GOT2: variants seen among roughly 807,000 people sequenced by gnomAD.
GOT2 encodes aspartate aminotransferase, mitochondrial.
In GOT2, 17 loss-of-function variants were observed where a neutral mutation model predicts 50.0. That is an observed-to-expected ratio of 0.34 (90% CI 0.23 to 0.51). The LOEUF is 0.51. Ranked by LOEUF, GOT2 falls within the 20% of genes least tolerant of loss-of-function variation. GOT2 has a pLI of 0.97. For missense variants in GOT2, 430 were observed against 559.6 expected (o/e 0.77, Z 2.34); for synonymous variants, 172 against 204.9 (o/e 0.84, Z 1.37).
At chr16:58,718,333 C>T (rs746224481) in intron 5 of GOT2, 33 bp from the exon 6 acceptor site, 35 of 1,549,770 alleles carry the variant, frequency 2.3e-5, no homozygotes, top group Non-Finnish European at 3.1e-5. Context: ...GACGACTTTG[C>T]AGCTTTAAAG....
At chr16:58,723,365 T>G (rs2044755732) in intron 2 of GOT2, among the ~76,000 whole-genome samples, 1 of 152,182 alleles carries the variant, frequency 6.6e-6, no homozygotes, top group Admixed American at 6.5e-5. Context: ...TAATCACAGT[T>G]AGAGAAATGG....
chr16:58,716,717 G>A lies in GOT2; in HGVS notation c.799C>T (p.Gln267Ter), dbSNP rs1240743106. ...DAWAVRHFIE[Q>*]GINVCLCQSY... ...TGGCAGAGGCAAACATTAATGCCCT[G>A]TTCGATGAAGTGGCGCACAGCCCAG... The change falls in exon 7 of 10, where the codon CAG (glutamine) becomes TAG (stop). Residue 267 changes from glutamine (Q) to a stop codon, truncating the protein, a stop_gained. Transcript: ENST00000245206. LOFTEE classifies it high-confidence loss of function. The A allele has an allele frequency of 6.2e-7, 1 of 1,613,778 alleles. No individual in the cohort carries two copies. The highest frequency in any genetic ancestry group is 1.3e-5 in the African/African-American group (1 of 74,928).
At chr16:58,724,910 T>C (rs1424991297) in intron 1 of GOT2, among the ~76,000 whole-genome samples, 2 of 152,180 alleles carry the variant, frequency 1.3e-5, no homozygotes. Context: ...CACGATTCCA[T>C]CTAGGACACC....
chr16:58,723,888 T>A lies in GOT2; in HGVS notation c.104A>T (p.His35Leu), dbSNP rs2044761094. 4.3e-6 allele frequency: 7 copies of A among 1,613,594 alleles called. No homozygotes were observed. Among genetic ancestry groups the A allele is most frequent in the Non-Finnish European group, 5.9e-6 (7 of 1,179,692 alleles). Residue 35 changes from histidine to leucine, a missense_variant, in exon 2 of 10, where the codon CAT (histidine) becomes CTT (leucine). Transcript: ENST00000245206. ...ASARASSWWT[H>L]VEMGPPDPIL... ...GGGATCTGGAGGTCCCATTTCCACA[T>A]GGGTCCACCAGGAGCTGAAATGAGA...
chr16:58,724,037 T>C (rs1387372391), intron 1 of GOT2, 135 bp from the exon 2 acceptor site: 1 of 667,886 alleles, frequency 1.5e-6, no homozygotes, highest in Non-Finnish European at 2.4e-6. Context: ...CACTGCAGCG[T>C]TTGCCTCCTG....
At chr16:58,729,053 C>A (rs947208232) in intron 1 of GOT2, among the ~76,000 whole-genome samples, 1 of 151,924 alleles carries the variant, frequency 6.6e-6, no homozygotes, top group African/African-American at 2.4e-5. Flanking sequence ...GCCATTATCA[C>A]CCTTCCCCCT....
chr16:58,714,821 T>C (rs1490093609), intron 8 of GOT2, among the ~76,000 whole-genome samples: 2 of 152,118 alleles, frequency 1.3e-5, no homozygotes, highest in African/African-American at 4.8e-5. Context: ...ATATAATATG[T>C]TCAAGGTCAT....
At chr16:58,722,341 G>T in intron 2 of GOT2, 63 bp from the exon 3 acceptor site, 5 of 1,489,798 alleles carry the variant, frequency 3.4e-6, no homozygotes, top group South Asian at 1.2e-5. Flanking sequence ...TATGATTAAT[G>T]TTTAAAGTTT....
chr16:58,724,205 G>A (rs1303739414), intron 1 of GOT2, among the ~76,000 whole-genome samples: 3 of 151,862 alleles, frequency 2.0e-5, no homozygotes, highest in African/African-American at 4.8e-5. Flanking sequence ...CACCGCACCC[G>A]GCCATATTAC....
Position 58,708,081 on chromosome 16 carries a change from C to T in GOT2, c.*90G>A, listed in dbSNP as rs2044617407. On this transcript the variant is annotated 3_prime_UTR_variant, in exon 10 of 10. Transcript: ENST00000245206. The stretch of plus-strand genomic sequence containing the variant: ...GCTGAAAGAAATGATCCACTCACCA[C>T]CATCCACCCTCTCTCATTGTCTGTG... 6 of 1,286,802 alleles carry T rather than the reference C, an allele frequency of 4.7e-6. No individual in the cohort carries two copies. Among genetic ancestry groups the T allele is most frequent in the Middle Eastern group, 2.6e-4 (1 of 3,810 alleles). 79.7% of individuals were successfully genotyped at this position (1,286,802 alleles called of 1,614,324 possible). A position where few individuals can be genotyped will look rare whatever the true frequency, so the allele number is the denominator to read the frequency against.
intron 1 of GOT2, 113 bp from the exon 2 acceptor site, chr16:58,724,015 G>A: frequency 3.4e-6 from 3 of 881,070 alleles, no homozygotes; most frequent in Admixed American, 2.8e-5. Flanking sequence ...GTGCAGTGGT[G>A]CTATCTTGGC....
Position 58,716,699 on chromosome 16 carries a change from G to C in GOT2, c.817C>G (p.Leu273Val). Reference protein sequence around the residue: ...HFIEQGINVCLCQSYAKNMGL... With the variant: ...HFIEQGINVCVCQSYAKNMGL... ...ATGTTCTTGGCATATGATTGGCAGA[G>C]GCAAACATTAATGCCCTGTTCGATG... The change falls in exon 7 of 10, where the codon CTC (leucine) becomes GTC (valine). Residue 273 changes from leucine to valine, a missense_variant. Transcript: ENST00000245206. The C allele has an allele frequency of 6.2e-7, 1 of 1,613,888 alleles. No individual in the cohort carries two copies. Among genetic ancestry groups the C allele is most frequent in the Non-Finnish European group, 8.5e-7 (1 of 1,179,824 alleles).
At position 58,711,959 on chromosome 16, in the gene GOT2, C is replaced by T. The variant is rs577004823; in HGVS notation, c.1020-2392G>A. On this transcript the variant is annotated intron_variant, in intron 8 of 9. Transcript: ENST00000245206. ...CTTGGCTGTCTCCCACAGTCCTCCT[C>T]ACATTCGTGTTTTCATCACGAAAAC... 1.3e-3 allele frequency among the ~76,000 whole-genome samples: 191 copies of T among 152,284 alleles called. 1 individual carries two copies. The highest frequency in any genetic ancestry group is 9.7e-3 in the South Asian group (47 of 4,830).
chr16:58,710,513 T>C (rs1211492141), intron 8 of GOT2, among the ~76,000 whole-genome samples: 1 of 150,886 alleles, frequency 6.6e-6, no homozygotes, highest in East Asian at 2.0e-4. Context: ...ATTACAGACA[T>C]AAGCCTGGCC....
chr16:58,709,527 T>G lies in GOT2; in HGVS notation c.1060A>C (p.Met354Leu), dbSNP rs2044629669. Residue 354 changes from methionine to leucine, a missense_variant, in exon 9 of 10, where the codon ATG becomes CTG. By Grantham distance (15) the Met-to-Leu change is conservative (BLOSUM62 2). Transcript: ENST00000245206. ...VKVMADRIIG[M>L]RTQLVSNLKK... ...AGGTTGGAGACCAGTTGAGTCCGCA[T>G]GCCAATGATGCGGTCAGCCATGACT... The G allele has an allele frequency of 2.5e-6, 4 of 1,613,296 alleles. No individual in the cohort carries two copies. Among genetic ancestry groups the G allele is most frequent in the Non-Finnish European group, 3.4e-6 (4 of 1,179,284 alleles).
chr16:58,727,413 G>C (rs2044796662), intron 1 of GOT2, among the ~76,000 whole-genome samples: 1 of 151,488 alleles, frequency 6.6e-6, no homozygotes, highest in Admixed American at 6.6e-5. Flanking sequence ...TCAGTTTAGA[G>C]TGTAGAGATT....
intron 1 of GOT2, among the ~76,000 whole-genome samples, chr16:58,731,925 C>T (rs972815572): frequency 1.3e-5 from 2 of 152,346 alleles, no homozygotes; most frequent in Admixed American, 1.3e-4. Context: ...CTGATCTTGC[C>T]TGAAGAGTTA....
intron 8 of GOT2, among the ~76,000 whole-genome samples, chr16:58,714,203 C>G (rs945729326): frequency 1.3e-5 from 2 of 152,128 alleles, no homozygotes; most frequent in Middle Eastern, 3.4e-3. Flanking sequence ...AGCCACCTTA[C>G]CTGGCTTAGT....
intron 1 of GOT2, among the ~76,000 whole-genome samples, chr16:58,727,381 A>T (rs72792424): frequency 0.063 from 7,777 of 122,994 alleles, 315 homozygotes; most frequent in East Asian, 0.18. Context: ...TTTTTTTTTT[A>T]AAAAAAGAAA....
Sources: gnomAD v4.1 joint callset for allele counts (sites outside exome capture counted in the v4.1 genomes callset) on GRCh38, gnomAD v4.1.1 for gene constraint, MANE v1.5 for transcripts, NCBI Gene and HGNC (gene_info 2026-07-23, HGNC 2026-07-21) for gene names.